The following SRPK2 variants were observed in gnomAD, a reference collection of about 807,000 sequenced individuals.
The protein encoded by SRPK2 is SFRS protein kinase 2.
Under a neutral mutation model 90.8 loss-of-function variants are expected in SRPK2, and 21 were observed. The observed-to-expected ratio is 0.23, with a 90% confidence interval of 0.16 to 0.33. SRPK2 has a LOEUF of 0.33. SRPK2 is among the 10% of genes least tolerant of loss of function. The probability of loss-of-function intolerance (pLI) is 1.00; values close to 1 mark genes in which losing one functional copy is unlikely to be tolerated. For synonymous variants in SRPK2, 288 were observed against 311.1 expected (o/e 0.93, Z 0.78); for missense variants, 620 against 869.0 (o/e 0.71, Z 3.60).
chr7:105,220,644 AT>A (rs1797986830), intron 2 of SRPK2, among the ~76,000 whole-genome samples: 2 of 152,236 alleles, frequency 1.3e-5, no homozygotes, highest in South Asian at 4.1e-4. Context: ...TCTTTCAATC[AT>A]TTATTAGTAT....
At chr7:105,249,573 T>C (rs577595108) in intron 2 of SRPK2, among the ~76,000 whole-genome samples, 132 of 152,308 alleles carry the variant, frequency 8.7e-4, no homozygotes, top group Non-Finnish European at 1.4e-3. Flanking sequence ...CTGGAAGTTA[T>C]CAGTTTATAA....
chr7:105,152,868 T>C (rs546797003), intron 7 of SRPK2, among the ~76,000 whole-genome samples: 82 of 152,192 alleles, frequency 5.4e-4, no homozygotes, highest in Non-Finnish European at 1.1e-3. Flanking sequence ...ACCCCATCTC[T>C]ACTAAAAATA....
chr7:105,362,863 G>A (rs1333855781), intron 2 of SRPK2, among the ~76,000 whole-genome samples: 3 of 152,182 alleles, frequency 2.0e-5, no homozygotes, highest in Non-Finnish European at 4.4e-5. Context: ...ATACTATGCA[G>A]CCATAAAAAA....
chr7:105,155,705 T>C (rs1806395727), intron 7 of SRPK2, among the ~76,000 whole-genome samples: 2 of 152,204 alleles, frequency 1.3e-5, no homozygotes. Flanking sequence ...AATTGGGTAC[T>C]GTGAGAAGCC....
intron 3 of SRPK2, among the ~76,000 whole-genome samples, chr7:105,171,015 G>GAGGGAGGA (rs1791054165): frequency 2.8e-5 from 3 of 107,614 alleles, no homozygotes; most frequent in South Asian, 6.8e-4. Flanking sequence ...GAAAGAAAGA[G>GAGGGAGGA]AGGAAGGAAG....
intron 2 of SRPK2, among the ~76,000 whole-genome samples, chr7:105,276,937 G>A (rs966793179): frequency 6.6e-6 from 1 of 151,942 alleles, no homozygotes; most frequent in Non-Finnish European, 1.5e-5. Context: ...CTATTCTAGG[G>A]TTTCAACACC....
chr7:105,300,982 A>G (rs1810478612), intron 2 of SRPK2, among the ~76,000 whole-genome samples: 1 of 152,202 alleles, frequency 6.6e-6, no homozygotes, highest in South Asian at 2.1e-4. Context: ...ATCTAGAACT[A>G]GAAATACCAT....
intron 2 of SRPK2, among the ~76,000 whole-genome samples, chr7:105,295,662 T>A (rs943431416): frequency 1.3e-5 from 2 of 152,204 alleles, no homozygotes; most frequent in Non-Finnish European, 2.9e-5. Context: ...GAGTTTCTGT[T>A]TGAAATGAAA....
chr7:105,353,700 T>G (rs1006752718), intron 2 of SRPK2, among the ~76,000 whole-genome samples: 3 of 152,084 alleles, frequency 2.0e-5, no homozygotes, highest in African/African-American at 7.2e-5. Context: ...AGGTGAGCAG[T>G]AAGGAACAGA....
chr7:105,395,371 A>T (rs988523509), intron 1 of SRPK2, among the ~76,000 whole-genome samples: 4 of 151,968 alleles, frequency 2.6e-5, no homozygotes, highest in African/African-American at 9.7e-5. Context: ...AAAGCAAAAA[A>T]AATCAACAAT....
In SRPK2 at chr7:105,132,809, G is replaced by C; in HGVS notation, c.1734C>G (p.Ile578Met). The C allele has an allele frequency of 6.2e-7, 1 of 1,609,384 alleles. No homozygotes were observed. Among genetic ancestry groups the C allele is most frequent in the Non-Finnish European group, 8.5e-7 (1 of 1,177,528 alleles). The part of the protein sequence containing the change: ...IGAGYSTPAD[I>M]WSTACMAFEL... ...TCCTTACCATACACGCCGTGCTCCAGATGTCCGCAGGGGTGCTGTACCCCG... is the reference window on the plus strand; with the variant it reads ...TCCTTACCATACACGCCGTGCTCCACATGTCCGCAGGGGTGCTGTACCCCG... Residue 578 changes from isoleucine (I) to methionine (M), a missense_variant, in exon 13 of 16, where the codon ATC becomes ATG. By Grantham distance (10) the Ile-to-Met change is conservative. Around this residue, in one of 8 missense-constraint regions of SRPK2, gnomAD observed 9 missense variants for 16.6 expected, o/e 0.54. Coordinates refer to ENST00000393651, the MANE Select transcript of SRPK2 (RefSeq NM_182692.3).
At chr7:105,128,877 T>C (rs1801581804) in intron 13 of SRPK2, among the ~76,000 whole-genome samples, 1 of 152,150 alleles carries the variant, frequency 6.6e-6, no homozygotes, top group South Asian at 2.1e-4. Flanking sequence ...TATTTCTTAC[T>C]GCCAAAATAT....
chr7:105,399,334 T>G (rs1237032479), upstream of SRPK2: 3 of 152,160 alleles, frequency 2.0e-5, no homozygotes, highest in African/African-American at 7.2e-5. Context: ...TAGGACTGCT[T>G]GAGTGGCTGG....
At chr7:105,273,219 A>G (rs1312198651) in intron 2 of SRPK2, among the ~76,000 whole-genome samples, 1 of 151,750 alleles carries the variant, frequency 6.6e-6, no homozygotes, top group Admixed American at 6.6e-5. Flanking sequence ...CGTCTCAAAA[A>G]AAAAAAAGAA....
intron 7 of SRPK2, among the ~76,000 whole-genome samples, chr7:105,148,212 G>C (rs771302370): frequency 1.3e-5 from 2 of 151,274 alleles, no homozygotes; most frequent in Admixed American, 6.6e-5. Flanking sequence ...GAAGTATCTT[G>C]TTGTAGTTTT....
At chr7:105,272,571 T>A (rs1340990641) in intron 2 of SRPK2, among the ~76,000 whole-genome samples, 3 of 152,162 alleles carry the variant, frequency 2.0e-5, no homozygotes, top group African/African-American at 7.2e-5. Context: ...GCAAGACCGT[T>A]ATCTTCCATG....
intron 3 of SRPK2, among the ~76,000 whole-genome samples, chr7:105,176,561 GTGTGTGTGTGTGTGTGTGTA>G (rs1791880819): frequency 1.2e-5 from 1 of 84,192 alleles, no homozygotes. Flanking sequence ...GCATATATGT[GTGTGTGTGTGTGTGTGTGTA>G]TGTATATATG....
chr7:105,393,075 C>A (rs1481014391), upstream of SRPK2, among the ~76,000 whole-genome samples: 1 of 152,030 alleles, frequency 6.6e-6, no homozygotes, highest in Non-Finnish European at 1.5e-5. Context: ...CCTAACGCAA[C>A]CTCCGCCTTC....
intron 2 of SRPK2, among the ~76,000 whole-genome samples, chr7:105,373,290 G>GAAA (rs1819906546): frequency 6.6e-6 from 1 of 150,856 alleles, no homozygotes; most frequent in Non-Finnish European, 1.5e-5. Context: ...ATAAACAAAC[G>GAAA]TAATAAATTT....
Sources: gnomAD v4.1 joint callset for allele counts (sites outside exome capture counted in the v4.1 genomes callset) on GRCh38, gnomAD v4.1.1 for gene constraint, gnomAD v4.1.1 regional missense constraint, MANE v1.5 for transcripts, NCBI Gene and HGNC (gene_info 2026-07-23, HGNC 2026-07-21) for gene names.